Variants in EXT2 observed in about 807,000 individuals in gnomAD.
EXT2 encodes the protein exostosin glycosyltransferase 2.
In EXT2, 53 loss-of-function variants were observed where a neutral mutation model predicts 81.6. The ratio of observed to expected loss-of-function variants is 0.65; its 90% CI spans 0.52 to 0.82. EXT2 has a LOEUF of 0.82. EXT2 is among the 40% of genes least tolerant of loss of function. The pLI is 0.00. For synonymous variants in EXT2, 320 were observed against 340.0 expected (o/e 0.94, Z 0.65); for missense variants, 774 against 910.2 (o/e 0.85, Z 1.93).
chr11:44,192,919 C>T (rs557173752), intron 8 of EXT2, among the ~76,000 whole-genome samples: 1 of 152,318 alleles, frequency 6.6e-6, no homozygotes, highest in East Asian at 1.9e-4. Context: ...TTTAAATGTA[C>T]ATCAGCTATT....
intron 7 of EXT2, among the ~76,000 whole-genome samples, chr11:44,143,918 C>A (rs558171519): frequency 6.6e-6 from 1 of 152,142 alleles, no homozygotes; most frequent in Non-Finnish European, 1.5e-5. Flanking sequence ...GAGAACGTCA[C>A]GCTAACATGG....
intron 8 of EXT2, among the ~76,000 whole-genome samples, chr11:44,193,544 A>G (rs1170265902): frequency 6.6e-6 from 1 of 152,260 alleles, no homozygotes; most frequent in Non-Finnish European, 1.5e-5. Flanking sequence ...GGCAAGTGAA[A>G]GAACCTGGAT....
At position 44,111,733 on chromosome 11, in the gene EXT2, C is replaced by T. The variant is rs750893846; in HGVS notation, c.626+2450C>T. On this transcript the variant is annotated intron_variant, in intron 3 of 13. Transcript: ENST00000533608. Reference sequence around the variant, plus strand: ...TCCAGCTTCGATCATTATCTTGAGGCCCGTCTTGTTTCATCCTTACTCTCA... The same window carrying T: ...TCCAGCTTCGATCATTATCTTGAGGTCCGTCTTGTTTCATCCTTACTCTCA... 2.6e-5 allele frequency among the ~76,000 whole-genome samples: 4 copies of T among 152,130 alleles called. No homozygotes were observed. The South Asian group carries it at 6.2e-4, about 24-fold the overall frequency.
chr11:44,099,519 G>A (rs954747117), intron 1 of EXT2, among the ~76,000 whole-genome samples: 4 of 151,640 alleles, frequency 2.6e-5, no homozygotes, highest in African/African-American at 7.3e-5. Context: ...ACAGGGTCTC[G>A]CTATGTTGCC....
intron 10 of EXT2, among the ~76,000 whole-genome samples, chr11:44,230,154 G>A (rs963507583): frequency 1.1e-4 from 16 of 152,272 alleles, no homozygotes; most frequent in African/African-American, 3.4e-4. Flanking sequence ...GGACCTGACA[G>A]ATGAGAAGGA....
intron 9 of EXT2, among the ~76,000 whole-genome samples, chr11:44,199,987 T>C (rs1398459109): frequency 1.3e-5 from 2 of 152,164 alleles, no homozygotes; most frequent in Non-Finnish European, 2.9e-5. Flanking sequence ...GGTTTTTAGG[T>C]CAGGGCTCTG....
intron 7 of EXT2, among the ~76,000 whole-genome samples, chr11:44,146,253 G>T (rs1023254899): frequency 3.3e-5 from 5 of 152,176 alleles, no homozygotes; most frequent in Non-Finnish European, 7.3e-5. Context: ...CTTTGAAAAG[G>T]CCCTTTCTCT....
intron 4 of EXT2, among the ~76,000 whole-genome samples, chr11:44,121,226 C>T (rs976612823): frequency 1.1e-4 from 16 of 152,276 alleles, no homozygotes; most frequent in South Asian, 6.2e-4. Context: ...AGCAGTAGAG[C>T]GGGGATCCAG....
intron 7 of EXT2, among the ~76,000 whole-genome samples, chr11:44,165,650 G>A (rs1480373787): frequency 6.6e-6 from 1 of 152,200 alleles, no homozygotes; most frequent in African/African-American, 2.4e-5. Context: ...GTGATTATAT[G>A]TGAGCATAAG....
chr11:44,107,202 A>C (rs1247022399), intron 1 of EXT2, among the ~76,000 whole-genome samples: 4 of 151,896 alleles, frequency 2.6e-5, no homozygotes, highest in Admixed American at 1.3e-4. Context: ...TATACTATTT[A>C]TTCATATATC....
intron 9 of EXT2, among the ~76,000 whole-genome samples, chr11:44,200,009 G>C: frequency 6.6e-6 from 1 of 152,144 alleles, no homozygotes; most frequent in Non-Finnish European, 1.5e-5. Flanking sequence ...CTCTGGCGAT[G>C]TGGTTGTTTG....
intron 4 of EXT2, among the ~76,000 whole-genome samples, chr11:44,121,777 A>C (rs1452150635): frequency 6.6e-6 from 1 of 151,014 alleles, no homozygotes; most frequent in Non-Finnish European, 1.5e-5. Context: ...AGGCTCTAAC[A>C]CTCTCTTCTG....
chr11:44,203,111 A>G (rs757972885), intron 9 of EXT2, among the ~76,000 whole-genome samples: 2 of 152,094 alleles, frequency 1.3e-5, no homozygotes, highest in Non-Finnish European at 2.9e-5. Context: ...CTACCCTTCC[A>G]TTTGTCATGC....
At chr11:44,152,869 A>G (rs1216359632) in intron 7 of EXT2, among the ~76,000 whole-genome samples, 1 of 152,132 alleles carries the variant, frequency 6.6e-6, no homozygotes, top group Middle Eastern at 3.2e-3. Context: ...TGGGCTCTCT[A>G]TTCTGTTCCG....
chr11:44,176,220 A>G (rs755845397), intron 8 of EXT2, among the ~76,000 whole-genome samples: 8 of 152,170 alleles, frequency 5.3e-5, no homozygotes, highest in Admixed American at 1.3e-4. Context: ...CAATAGTGGG[A>G]CTTTATCCTA....
intron 6 of EXT2, among the ~76,000 whole-genome samples, chr11:44,129,113 C>T (rs976070010): frequency 6.6e-6 from 1 of 152,244 alleles, no homozygotes; most frequent in Non-Finnish European, 1.5e-5. Flanking sequence ...GCTCTACCCT[C>T]TCATCCCCAT....
At chr11:44,164,464 A>T (rs1026571666) in intron 7 of EXT2, among the ~76,000 whole-genome samples, 1 of 152,216 alleles carries the variant, frequency 6.6e-6, no homozygotes, top group Admixed American at 6.5e-5. Context: ...CCACTATGCC[A>T]CACTGGCTTC....
intron 1 of EXT2, among the ~76,000 whole-genome samples, chr11:44,101,568 G>A (rs1310830418): frequency 6.6e-6 from 1 of 152,188 alleles, no homozygotes; most frequent in Admixed American, 6.5e-5. Context: ...GAGTATTGAG[G>A]AAGGAATCAC....
At chr11:44,125,253 G>A (rs1009382867) in intron 5 of EXT2, among the ~76,000 whole-genome samples, 4 of 152,022 alleles carry the variant, frequency 2.6e-5, no homozygotes, top group East Asian at 3.9e-4. Context: ...TCATAGATTC[G>A]CAGACAAGCC....
Sources: allele counts gnomAD v4.1 joint callset (sites outside exome capture counted in the v4.1 genomes callset), GRCh38; gene constraint gnomAD v4.1.1; transcripts MANE v1.5; gene names NCBI Gene and HGNC (gene_info 2026-07-23, HGNC 2026-07-21).